Variants in SPAG16 observed in about 807,000 individuals in gnomAD.
SPAG16 encodes sperm-associated antigen 16 protein.
A neutral mutation model predicts 80.4 loss-of-function variants in SPAG16; 86 were observed. The observed-to-expected ratio is 1.07, with a 90% confidence interval of 0.90 to 1.28. The LOEUF is 1.28. SPAG16 is among the 50% of genes most tolerant of loss of function. The pLI, the probability that SPAG16 is intolerant of heterozygous loss-of-function variation, is 0.00. For missense variants in SPAG16, 870 were observed against 765.3 expected (o/e 1.14, Z -1.61); for synonymous variants, 294 against 265.9 (o/e 1.11, Z -1.03).
intron 13 of SPAG16, among the ~76,000 whole-genome samples, chr2:214,032,363 C>G (rs1281232837): frequency 6.6e-6 from 1 of 152,196 alleles, no homozygotes; most frequent in Non-Finnish European, 1.5e-5. Flanking sequence ...GGGTCTTGAG[C>G]TGGTACAGCT....
At chr2:213,819,328 A>C (rs1383381592) in intron 10 of SPAG16, among the ~76,000 whole-genome samples, 1 of 152,218 alleles carries the variant, frequency 6.6e-6, no homozygotes, top group African/African-American at 2.4e-5. Context: ...GAAGTTTGAA[A>C]GACTTCTCTG....
chr2:213,549,578 A>G (rs1215669907), intron 10 of SPAG16, among the ~76,000 whole-genome samples: 1 of 152,164 alleles, frequency 6.6e-6, no homozygotes, highest in Non-Finnish European at 1.5e-5. Context: ...CAAAATTGCC[A>G]TCACCACTCA....
chr2:213,757,141 A>T (rs1481480741), intron 10 of SPAG16, among the ~76,000 whole-genome samples: 4 of 152,220 alleles, frequency 2.6e-5, no homozygotes, highest in Admixed American at 2.6e-4. Context: ...CATCAAAAAT[A>T]CATAGAAATA....
chr2:213,973,367 C>T (rs1320003066), intron 12 of SPAG16, among the ~76,000 whole-genome samples: 2 of 151,968 alleles, frequency 1.3e-5, no homozygotes, highest in Admixed American at 1.3e-4. Flanking sequence ...TGAATAGCAC[C>T]TTCTGTCTCC....
chr2:214,153,152 C>T (rs958245082), intron 15 of SPAG16, among the ~76,000 whole-genome samples: 7 of 152,154 alleles, frequency 4.6e-5, no homozygotes, highest in East Asian at 2.0e-4. Flanking sequence ...TGACACATTT[C>T]GCTACCGCTA....
intron 14 of SPAG16, among the ~76,000 whole-genome samples, chr2:214,124,761 T>A (rs1251204780): frequency 6.6e-6 from 1 of 151,792 alleles, no homozygotes; most frequent in East Asian, 1.9e-4. Flanking sequence ...GTCTGCCCTT[T>A]CTCTGGAAGA....
chr2:214,390,015 C>G (rs6732019), intron 15 of SPAG16, among the ~76,000 whole-genome samples: 7,407 of 152,226 alleles, frequency 0.049, 580 homozygotes, highest in African/African-American at 0.17. Context: ...AACGTTTGTA[C>G]TGAAGCCCGA....
Position 213,871,227 on chromosome 2 carries a change from C to T in SPAG16, c.1214+8599C>T, listed in dbSNP as rs186392623. Reference sequence around the variant, plus strand: ...TTCAGTCAAAACCCAATAATAGAAGCACTTCCAGAATGGCAGAATAAGGAC... The same window carrying T: ...TTCAGTCAAAACCCAATAATAGAAGTACTTCCAGAATGGCAGAATAAGGAC... On this transcript the variant is annotated intron_variant, in intron 11 of 15. Transcript: ENST00000331683. Among the ~76,000 whole-genome samples, 371 of 152,098 alleles carry T rather than the reference C, an allele frequency of 2.4e-3. 3 individuals are homozygous for T. The highest frequency in any genetic ancestry group is 4.5e-3 in the Non-Finnish European group (305 of 67,982).
intron 14 of SPAG16, among the ~76,000 whole-genome samples, chr2:214,125,396 G>T (rs563580531): frequency 6.6e-6 from 1 of 151,518 alleles, no homozygotes; most frequent in African/African-American, 2.4e-5. Flanking sequence ...GTTATGTTTT[G>T]TATACCTAAA....
intron 5 of SPAG16, among the ~76,000 whole-genome samples, chr2:213,338,860 CA>C (rs1477890622): frequency 1.3e-5 from 2 of 151,978 alleles, no homozygotes; most frequent in Non-Finnish European, 2.9e-5. Flanking sequence ...TGGCGCCTGT[CA>C]GGGGGTGGAG....
At chr2:214,408,429 T>C (rs973636587) in intron 15 of SPAG16, among the ~76,000 whole-genome samples, 1 of 152,168 alleles carries the variant, frequency 6.6e-6, no homozygotes, top group Non-Finnish European at 1.5e-5. Flanking sequence ...TAATAAATAT[T>C]CACATCTGCT....
At chr2:213,866,845 TTAA>T (rs1449187905) in intron 11 of SPAG16, among the ~76,000 whole-genome samples, 8 of 152,194 alleles carry the variant, frequency 5.3e-5, no homozygotes, top group African/African-American at 1.9e-4. Flanking sequence ...TTTTTTTCCC[TTAA>T]TAATAATGAC....
At chr2:214,009,277 G>A (rs931245218) in intron 12 of SPAG16, among the ~76,000 whole-genome samples, 3 of 151,956 alleles carry the variant, frequency 2.0e-5, no homozygotes, top group African/African-American at 7.3e-5. Flanking sequence ...GACTTTTCTC[G>A]CTGCTTCTCA....
At chr2:213,544,683 T>TC (rs367791321) in intron 10 of SPAG16, among the ~76,000 whole-genome samples, 7 of 152,006 alleles carry the variant, frequency 4.6e-5, no homozygotes, top group South Asian at 2.1e-4. Flanking sequence ...TTCATATCGC[T>TC]CCCCCCTCGT....
At chr2:213,321,521 A>G (rs572426650) in intron 5 of SPAG16, among the ~76,000 whole-genome samples, 201 of 152,232 alleles carry the variant, frequency 1.3e-3, no homozygotes, top group Non-Finnish European at 2.2e-3. Context: ...AAATGCTGTC[A>G]TCTCTAAGTT....
intron 9 of SPAG16, among the ~76,000 whole-genome samples, chr2:213,387,302 A>C (rs895691315): frequency 4.7e-4 from 71 of 151,730 alleles, no homozygotes; most frequent in African/African-American, 1.7e-3. Flanking sequence ...GTGAAAAAGC[A>C]CTATTATTAA....
At chr2:213,980,725 T>TATATATATATATATATATATAGAG (rs374274176) in intron 12 of SPAG16, among the ~76,000 whole-genome samples, 6 of 103,990 alleles carry the variant, frequency 5.8e-5, no homozygotes, top group African/African-American at 1.5e-4. Context: ...TATATATATA[T>TATATATATATATATATATATAGAG]AGAGAGAGAG....
At chr2:213,656,994 T>C (rs2063246464) in intron 10 of SPAG16, among the ~76,000 whole-genome samples, 1 of 152,216 alleles carries the variant, frequency 6.6e-6, no homozygotes, top group Admixed American at 6.5e-5. Context: ...ATCTTGATGT[T>C]AATAGAATGT....
chr2:213,330,554 GAA>G, intron 5 of SPAG16, among the ~76,000 whole-genome samples: 1 of 152,340 alleles, frequency 6.6e-6, no homozygotes. Flanking sequence ...TTGTATCTAG[GAA>G]GTAACTAACT....
Sources: allele counts gnomAD v4.1 joint callset (sites outside exome capture counted in the v4.1 genomes callset), GRCh38; gene constraint gnomAD v4.1.1; transcripts MANE v1.5; gene names NCBI Gene and HGNC (gene_info 2026-07-23, HGNC 2026-07-21).